EPB41L5: variants seen among roughly 807,000 people sequenced by gnomAD.
EPB41L5 encodes band 4.1-like protein 5.
A neutral mutation model predicts 106.6 loss-of-function variants in EPB41L5; 55 were observed. That is an observed-to-expected ratio of 0.52 (90% CI 0.42 to 0.65). The LOEUF (loss-of-function observed/expected upper bound fraction) is 0.65, where lower values mean the gene tolerates loss of function less well. Among genes scored for constraint, EPB41L5 ranks in the 30% least tolerant of loss-of-function variants. The pLI, the probability that EPB41L5 is intolerant of heterozygous loss-of-function variation, is 0.00. For synonymous variants in EPB41L5, 297 were observed against 306.7 expected, an observed-to-expected ratio of 0.97 and a Z score of 0.33; for missense variants, 871 against 882.1, an observed-to-expected ratio of 0.99 and a Z score of 0.16.
Position 120,068,180 on chromosome 2 carries a change from G to A in EPB41L5, c.286-4998G>A, listed in dbSNP as rs543945036. Among the ~76,000 whole-genome samples, 7 of 152,322 alleles carry A rather than the reference G, an allele frequency of 4.6e-5. No homozygotes were observed. In the South Asian group the frequency reaches 1.2e-3, roughly 27 times the overall value. On this transcript the variant is annotated intron_variant, in intron 3 of 24. Transcript: ENST00000263713. ...CCTCATCCGGGAAGCACAAGGGGTC[G>A]GGGAACTCCCTCCCCTAGCCAAGAG...
At chr2:120,073,130 T>G in intron 3 of EPB41L5, 48 bp from the exon 4 acceptor site, 2 of 1,548,570 alleles carry the variant, frequency 1.3e-6, no homozygotes, top group Non-Finnish European at 1.8e-6. Context: ...CATTCAAATT[T>G]TAAAGTTCTG....
chr2:120,160,170 C>T (rs115431133), intron 20 of EPB41L5, among the ~76,000 whole-genome samples: 14 of 152,258 alleles, frequency 9.2e-5, no homozygotes, highest in African/African-American at 3.1e-4. Context: ...TCCAATGATA[C>T]AAGTTTACCT....
chr2:120,163,188 C>G lies in EPB41L5; in HGVS notation c.1888-1648C>G, dbSNP rs575184909. Among the ~76,000 whole-genome samples the G allele has an allele frequency of 4.0e-5, 6 of 150,858 alleles. No individual in the cohort carries two copies. In the South Asian group the frequency reaches 1.3e-3, roughly 32 times the overall value. On this transcript the variant is annotated intron_variant, in intron 21 of 24. Coordinates refer to ENST00000263713, the MANE Select transcript of EPB41L5 (RefSeq NM_020909.4). The stretch of plus-strand genomic sequence containing the variant: ...GAGGATAGTGTAAGCCCAGGAAATT[C>G]AGGCTGCAGTGAGCTATGATTGTAC...
chr2:120,013,870 A>G (rs1308674316), intron 1 of EPB41L5, among the ~76,000 whole-genome samples: 1 of 152,244 alleles, frequency 6.6e-6, no homozygotes, highest in African/African-American at 2.4e-5. Context: ...AAAAGTTTTT[A>G]AAGAATTACG....
At chr2:120,168,483 A>G (rs575136854) in intron 24 of EPB41L5, among the ~76,000 whole-genome samples, 10 of 152,152 alleles carry the variant, frequency 6.6e-5, no homozygotes, top group African/African-American at 1.2e-4. Flanking sequence ...CAGAAACTAG[A>G]CTCAAAAACT....
chr2:120,158,164 A>T (rs971586694), intron 20 of EPB41L5, among the ~76,000 whole-genome samples: 4 of 152,212 alleles, frequency 2.6e-5, no homozygotes, highest in Non-Finnish European at 5.9e-5. Context: ...ATTCTACCCA[A>T]TGTGCAAAGA....
At chr2:120,166,726 G>A (rs897656301) in intron 22 of EPB41L5, among the ~76,000 whole-genome samples, 2 of 152,228 alleles carry the variant, frequency 1.3e-5, no homozygotes, top group African/African-American at 4.8e-5. Context: ...GTGCGCCACT[G>A]CGCCCAGCCT....
rs578105273 is a variant in EPB41L5, at chr2:120,031,789, G to C, written c.181-10217G>C. Among the ~76,000 whole-genome samples, 3 of 152,160 alleles carry C rather than the reference G, an allele frequency of 2.0e-5. No individual in the cohort carries two copies. The East Asian group carries it at 5.8e-4, about 30-fold the overall frequency. ...AGGAAGCAGGATTTATTCTCTGTGG[G>C]ATTATTGGAAGGCAACACTGATATA... is the stretch of plus-strand genomic sequence containing the variant. On this transcript the variant is annotated intron_variant, in intron 2 of 24. Coordinates refer to ENST00000263713, the MANE Select transcript of EPB41L5 (RefSeq NM_020909.4).
chr2:120,130,013 G>T (rs1323852246), intron 17 of EPB41L5, among the ~76,000 whole-genome samples: 2 of 152,130 alleles, frequency 1.3e-5, no homozygotes, highest in Non-Finnish European at 2.9e-5. Context: ...GGCCATGGTG[G>T]CAGGCACCTG....
At chr2:120,042,154 C>T in intron 3 of EPB41L5, 44 bp downstream of exon 3, 1 of 1,395,356 alleles carries the variant, frequency 7.2e-7, no homozygotes, top group Non-Finnish European at 1.0e-6. Flanking sequence ...GGAGAAGAAA[C>T]AGGAAATTTC....
intron 19 of EPB41L5, among the ~76,000 whole-genome samples, chr2:120,145,175 T>C (rs1157588775): frequency 6.6e-6 from 1 of 152,218 alleles, no homozygotes; most frequent in Non-Finnish European, 1.5e-5. Context: ...TAAAAGAGTT[T>C]GGCAATGCAT....
intron 9 of EPB41L5, 56 bp from the exon 10 acceptor site, chr2:120,078,437 A>G (rs537905834): frequency 1.9e-5 from 22 of 1,137,174 alleles, no homozygotes; most frequent in Middle Eastern, 2.0e-4. Flanking sequence ...AGTTGTGTCA[A>G]TGTGAAACCT....
intron 3 of EPB41L5, among the ~76,000 whole-genome samples, chr2:120,071,794 CTT>C (rs1681887649): frequency 6.6e-6 from 1 of 152,256 alleles, no homozygotes; most frequent in African/African-American, 2.4e-5. Flanking sequence ...GGATTAAAGA[CTT>C]AAACGTGTAA....
chr2:120,099,098 C>G (rs998824053), intron 14 of EPB41L5, among the ~76,000 whole-genome samples: 1 of 152,212 alleles, frequency 6.6e-6, no homozygotes, highest in Non-Finnish European at 1.5e-5. Context: ...CATTTTCTGT[C>G]TCATTTTCCT....
At chr2:120,105,756 T>C (rs1684415502) in intron 16 of EPB41L5, 4 of 985,270 alleles carry the variant, frequency 4.1e-6, no homozygotes, top group East Asian at 1.1e-4. Context: ...ATGGCCCTTA[T>C]AGTTGTTTTA....
At chr2:120,143,608 T>C (rs1305425612) in intron 19 of EPB41L5, among the ~76,000 whole-genome samples, 1 of 152,142 alleles carries the variant, frequency 6.6e-6, no homozygotes, top group Non-Finnish European at 1.5e-5. Flanking sequence ...CTTTCAAACT[T>C]ACATTCTGTC....
rs1422032736 is a variant in EPB41L5, at chr2:120,013,225, C to CGGCGGCGGCGCCGCAGTACA, written c.-9+17_-9+36dup. On this transcript the variant is annotated intron_variant, in intron 1 of 24. Transcript: ENST00000263713. ...CCCCAGCTCAGGTAAGCGCGAGGCC[C>CGGCGGCGGCGCCGCAGTACA]GGCGGCGGCGCCGCAGTACAGTCCG... 280 of 151,988 alleles carry CGGCGGCGGCGCCGCAGTACA rather than the reference C, an allele frequency of 1.8e-3. 1 individual carries two copies. The highest frequency in any genetic ancestry group is 6.4e-3 in the African/African-American group (264 of 41,294). 9.4% of individuals were successfully genotyped at this position (151,988 alleles called of 1,614,324 possible). A position where few individuals can be genotyped will look rare whatever the true frequency, so the allele number is the denominator to read the frequency against.
intron 2 of EPB41L5, among the ~76,000 whole-genome samples, chr2:120,023,275 G>A (rs923249575): frequency 3.3e-5 from 5 of 152,106 alleles, no homozygotes; most frequent in African/African-American, 1.2e-4. Context: ...GTCCTAAATG[G>A]TATTGCCTAG....
intron 3 of EPB41L5, among the ~76,000 whole-genome samples, chr2:120,050,955 G>A (rs992024075): frequency 2.6e-5 from 4 of 152,298 alleles, no homozygotes; most frequent in South Asian, 2.1e-4. Context: ...TATCACCAGC[G>A]GAGGCTGCAG....
Sources: gnomAD v4.1 joint callset for allele counts (sites outside exome capture counted in the v4.1 genomes callset) on GRCh38, gnomAD v4.1.1 for gene constraint, MANE v1.5 for transcripts, NCBI Gene and HGNC (gene_info 2026-07-23, HGNC 2026-07-21) for gene names.